MYO9A: variants seen among roughly 807,000 people sequenced by gnomAD.
The protein encoded by MYO9A is unconventional myosin-IXa.
A neutral mutation model predicts 293.3 loss-of-function variants in MYO9A; 103 were observed. The observed-to-expected ratio is 0.35, with a 90% CI of 0.30 to 0.41. The LOEUF is 0.41. Among genes scored for constraint, MYO9A ranks in the 10% least tolerant of loss-of-function variants. MYO9A has a pLI of 1.00. For synonymous variants in MYO9A, 1,001 were observed against 1,035.7 expected (o/e 0.97, Z 0.64); for missense variants, 2,685 against 3,033.0 (o/e 0.89, Z 2.69).
In MYO9A at chr15:72,057,865, C is replaced by A. The variant is rs193200835; in HGVS notation, c.-71-11231G>T. ...CCACTGAAATTCCTTGTTAAGTGTG[C>A]CAATCAATTCCCTTTTATTCCCTGA... On this transcript the variant is annotated intron_variant, in intron 1 of 41. Transcript: ENST00000356056. Among the ~76,000 whole-genome samples the A allele has an allele frequency of 1.4e-3, 211 of 152,274 alleles. 1 individual carries two copies. Among genetic ancestry groups the A allele is most frequent in the Non-Finnish European group, 2.6e-3 (180 of 68,022 alleles).
intron 8 of MYO9A, among the ~76,000 whole-genome samples, chr15:72,007,618 A>C (rs566027785): frequency 6.6e-6 from 1 of 152,274 alleles, no homozygotes; most frequent in East Asian, 1.9e-4. Context: ...AGAAAACACA[A>C]ATTTTATAAA....
Position 71,854,516 on chromosome 15 carries a change from G to T in MYO9A, c.6207C>A (p.Thr2069=), listed in dbSNP as rs773685435. 6.2e-6 allele frequency: 10 copies of T among 1,612,536 alleles called. No individual in the cohort carries two copies. Among genetic ancestry groups the T allele is most frequent in the Non-Finnish European group, 8.5e-6 (10 of 1,179,290 alleles). ...CTAAAGGAACAGTTCGGTCTTCACT[G>T]GTCAAACGGGACAGTTCAACCCCAA... ...RQFGVELSRL[T]SEDRTVPLVV... is the part of the protein sequence containing the mutation. The change falls in exon 35 of 42, where the codon ACC becomes ACA. Residue 2069 remains threonine, a synonymous_variant. Coordinates refer to ENST00000356056, the MANE Select transcript of MYO9A (RefSeq NM_006901.4).
At chr15:71,921,595 C>T (rs2058156890) in intron 18 of MYO9A, among the ~76,000 whole-genome samples, 1 of 152,092 alleles carries the variant, frequency 6.6e-6, no homozygotes, top group Non-Finnish European at 1.5e-5. Context: ...CAAAAAATTC[C>T]TCAGGATAGG....
intron 17 of MYO9A, chr15:71,935,100 C>T (rs2058599714): frequency 2.6e-6 from 1 of 382,260 alleles, no homozygotes; most frequent in Non-Finnish European, 4.7e-6. Context: ...AACAAATATA[C>T]TCAGTCATGA....
chr15:72,081,344 T>C (rs928639555), intron 1 of MYO9A, among the ~76,000 whole-genome samples: 27 of 152,236 alleles, frequency 1.8e-4, no homozygotes, highest in Non-Finnish European at 2.6e-4. Context: ...CACATGCTTG[T>C]TGGCCACAGG....
intron 1 of MYO9A, among the ~76,000 whole-genome samples, chr15:72,053,422 G>T (rs1278102333): frequency 6.6e-6 from 1 of 151,992 alleles, no homozygotes; most frequent in African/African-American, 2.4e-5. Flanking sequence ...AAAAAAAAAG[G>T]TTTTTTAAGT....
chr15:71,850,493 C>CGGTA (rs1469197459), intron 37 of MYO9A, among the ~76,000 whole-genome samples: 1 of 152,050 alleles, frequency 6.6e-6, no homozygotes, highest in Non-Finnish European at 1.5e-5. Flanking sequence ...CGGCCAGGCA[C>CGGTA]GGTGGCCCAC....
chr15:72,068,901 T>C (rs565919004), intron 1 of MYO9A, among the ~76,000 whole-genome samples: 2 of 152,174 alleles, frequency 1.3e-5, no homozygotes, highest in Non-Finnish European at 2.9e-5. Context: ...AATCATTCCA[T>C]CCTCATAACA....
At chr15:71,848,533 A>AAGTT (rs1236620189) in intron 39 of MYO9A, among the ~76,000 whole-genome samples, 6 of 152,122 alleles carry the variant, frequency 3.9e-5, no homozygotes, top group African/African-American at 7.2e-5. Context: ...GTGGAGAAAA[A>AAGTT]AGTTAGAAGA....
chr15:71,934,635 C>T (rs563185024), intron 17 of MYO9A, among the ~76,000 whole-genome samples: 25 of 149,048 alleles, frequency 1.7e-4, no homozygotes, highest in Non-Finnish European at 3.4e-4. Flanking sequence ...GGATGTTAAT[C>T]GGTTGCCCAG....
chr15:72,081,853 G>A (rs1456983072), intron 1 of MYO9A, among the ~76,000 whole-genome samples: 1 of 151,960 alleles, frequency 6.6e-6, no homozygotes, highest in African/African-American at 2.4e-5. Flanking sequence ...ATGGTTGTAG[G>A]TGTGCCTTAT....
chr15:72,045,692 TA>T, intron 2 of MYO9A, 31 bp downstream of exon 2: 2 of 1,534,058 alleles, frequency 1.3e-6, no homozygotes, highest in Non-Finnish European at 1.7e-6. Context: ...AAATCAAAAT[TA>T]AAATCAAAAA....
intron 13 of MYO9A, among the ~76,000 whole-genome samples, chr15:71,967,656 T>C (rs1035966199): frequency 1.3e-5 from 2 of 152,070 alleles, no homozygotes; most frequent in African/African-American, 4.8e-5. Context: ...ACCTTATGAG[T>C]GCAGAGAAGG....
At chr15:71,987,773 CCTTAA>C (rs1307140081) in intron 11 of MYO9A, among the ~76,000 whole-genome samples, 8 of 152,088 alleles carry the variant, frequency 5.3e-5, no homozygotes, top group Admixed American at 3.3e-4. Flanking sequence ...AAAATTTTAA[CCTTAA>C]CTTATTTTAT....
chr15:72,101,356 C>T (rs2080309818), intron 1 of MYO9A, among the ~76,000 whole-genome samples: 1 of 146,870 alleles, frequency 6.8e-6, no homozygotes, highest in Non-Finnish European at 1.5e-5. Flanking sequence ...CAGCCTCCCG[C>T]CCGGCCAGCC....
intron 26 of MYO9A, chr15:71,892,194 A>T (rs926014426): frequency 6.6e-6 from 1 of 152,230 alleles, no homozygotes; most frequent in African/African-American, 2.4e-5. Flanking sequence ...AAGATGATAT[A>T]GTTATATTCT....
At chr15:71,876,411 C>T (rs2056688874) in intron 31 of MYO9A, among the ~76,000 whole-genome samples, 1 of 146,604 alleles carries the variant, frequency 6.8e-6, no homozygotes, top group South Asian at 2.2e-4. Flanking sequence ...CTTGAGCCAC[C>T]ACGCCTGGCT....
chr15:72,003,927 A>G (rs1383233880), intron 8 of MYO9A, among the ~76,000 whole-genome samples: 1 of 152,166 alleles, frequency 6.6e-6, no homozygotes, highest in Non-Finnish European at 1.5e-5. Flanking sequence ...TGATCCTTCT[A>G]ATTGCAGAAA....
chr15:72,068,989 A>G (rs887472977), intron 1 of MYO9A, among the ~76,000 whole-genome samples: 13 of 152,190 alleles, frequency 8.5e-5, no homozygotes, highest in African/African-American at 3.1e-4. Context: ...CCACTTGTCT[A>G]AGGTTACAGG....
Sources: gnomAD v4.1 joint callset for allele counts (sites outside exome capture counted in the v4.1 genomes callset) on GRCh38, gnomAD v4.1.1 for gene constraint, MANE v1.5 for transcripts, NCBI Gene and HGNC (gene_info 2026-07-23, HGNC 2026-07-21) for gene names.